Variants in INPP4B observed in about 807,000 individuals in gnomAD.
INPP4B encodes the protein inositol polyphosphate 4-phosphatase type II.
In INPP4B, 55 loss-of-function variants were observed where a neutral mutation model predicts 122.5. That is an observed-to-expected ratio of 0.45 (90% confidence interval 0.36 to 0.56). The LOEUF is 0.56. Among genes scored for constraint, INPP4B ranks in the 20% least tolerant of loss-of-function variants. The probability of loss-of-function intolerance (pLI) is 0.00; values close to 1 mark genes in which losing one functional copy is unlikely to be tolerated. For synonymous variants in INPP4B, 403 were observed against 388.7 expected, an observed-to-expected ratio of 1.04 and a Z score of -0.43; for missense variants, 1,000 against 1,097.7, an observed-to-expected ratio of 0.91 and a Z score of 1.26.
At chr4:142,247,514 T>A (rs1729512260) in intron 11 of INPP4B, among the ~76,000 whole-genome samples, 1 of 152,188 alleles carries the variant, frequency 6.6e-6, no homozygotes, top group African/African-American at 2.4e-5. Flanking sequence ...TCTGGTTTAG[T>A]CTTGGGAGGG....
chr4:142,659,215 C>T (rs1007183859), intron 2 of INPP4B, among the ~76,000 whole-genome samples: 21 of 147,570 alleles, frequency 1.4e-4, no homozygotes, highest in East Asian at 8.2e-4. Flanking sequence ...ATGGCTAACA[C>T]GGTGAAACCC....
chr4:142,350,508 A>G (rs2151801968), intron 7 of INPP4B, among the ~76,000 whole-genome samples: 1 of 152,060 alleles, frequency 6.6e-6, no homozygotes, highest in Non-Finnish European at 1.5e-5. Flanking sequence ...CCCTTCCCCT[A>G]GGTTTACCTC....
intron 3 of INPP4B, among the ~76,000 whole-genome samples, chr4:142,440,787 A>G (rs932667225): frequency 1.3e-5 from 2 of 152,230 alleles, no homozygotes; most frequent in African/African-American, 4.8e-5. Flanking sequence ...GTTATAAGAT[A>G]CACATATATG....
chr4:142,577,054 T>C (rs988745276), intron 2 of INPP4B, among the ~76,000 whole-genome samples: 6 of 152,026 alleles, frequency 3.9e-5, no homozygotes, highest in African/African-American at 1.2e-4. Flanking sequence ...TCTATTAAAT[T>C]TCATATAGTC....
intron 2 of INPP4B, among the ~76,000 whole-genome samples, chr4:142,623,838 G>A (rs1415901222): frequency 2.0e-4 from 30 of 151,520 alleles, no homozygotes; most frequent in South Asian, 6.3e-4. Context: ...TTGTCCTTGC[G>A]ATAGTTTACT....
intron 1 of INPP4B, among the ~76,000 whole-genome samples, chr4:142,836,010 G>T (rs1782727194): frequency 6.6e-6 from 1 of 152,088 alleles, no homozygotes; most frequent in Non-Finnish European, 1.5e-5. Context: ...CATGAAAAAA[G>T]AAAATGTTTG....
chr4:142,495,923 T>C (rs1822497979), intron 2 of INPP4B, among the ~76,000 whole-genome samples: 1 of 152,178 alleles, frequency 6.6e-6, no homozygotes, highest in African/African-American at 2.4e-5. Flanking sequence ...TCAGCCCATA[T>C]AGGCAAATGC....
intron 18 of INPP4B, among the ~76,000 whole-genome samples, chr4:142,142,397 G>A (rs983896277): frequency 5.9e-5 from 9 of 152,042 alleles, no homozygotes; most frequent in African/African-American, 2.2e-4. Flanking sequence ...CTGTTAGTTA[G>A]AGTGTCTTTT....
At chr4:142,486,165 A>ATG (rs1431828777) in intron 2 of INPP4B, among the ~76,000 whole-genome samples, 1 of 152,204 alleles carries the variant, frequency 6.6e-6, no homozygotes. Flanking sequence ...TGGAATTTAT[A>ATG]TGAAAAGAAA....
intron 1 of INPP4B, among the ~76,000 whole-genome samples, chr4:142,824,384 T>C (rs1389003327): frequency 6.6e-6 from 1 of 152,124 alleles, no homozygotes; most frequent in East Asian, 1.9e-4. Context: ...CAGGCCAAAA[T>C]AGTCCTCTAG....
intron 11 of INPP4B, among the ~76,000 whole-genome samples, chr4:142,250,630 A>G (rs1212730389): frequency 6.6e-6 from 1 of 152,240 alleles, no homozygotes; most frequent in African/African-American, 2.4e-5. Context: ...TATTTTGAAC[A>G]GAAACATTTT....
At chr4:142,149,812 C>CA (rs1381915064) in intron 17 of INPP4B, among the ~76,000 whole-genome samples, 2 of 152,140 alleles carry the variant, frequency 1.3e-5, no homozygotes, top group Non-Finnish European at 1.5e-5. Flanking sequence ...GCACAAAGGA[C>CA]ATAAGTGACC....
intron 2 of INPP4B, among the ~76,000 whole-genome samples, chr4:142,646,662 T>C (rs143110444): frequency 2.0e-5 from 3 of 152,012 alleles, no homozygotes; most frequent in African/African-American, 7.3e-5. Context: ...AACCAAAAAA[T>C]GCAGAACATG....
intron 3 of INPP4B, among the ~76,000 whole-genome samples, chr4:142,433,631 G>A (rs1471131187): frequency 1.3e-5 from 2 of 152,282 alleles, no homozygotes; most frequent in African/African-American, 2.4e-5. Flanking sequence ...AGGAAGACAA[G>A]ACTAACAACA....
intron 15 of INPP4B, among the ~76,000 whole-genome samples, chr4:142,188,518 A>AAATATAT (rs1834267141): frequency 9.5e-6 from 1 of 105,126 alleles, no homozygotes; most frequent in Non-Finnish European, 1.9e-5. Context: ...AAAGAAAAAA[A>AAATATAT]ATATATATAG....
rs1006885838 is a variant in INPP4B, at chr4:142,023,617, G to A, written c.*5165C>T. The stretch of plus-strand genomic sequence containing the variant: ...CAATATTGCCAAAATTTGAGTCAAT[G>A]TTACCTGTGAGTGCAATAGGTCATC... On this transcript the variant is annotated 3_prime_UTR_variant, in exon 26 of 26. Transcript: ENST00000262992. The A allele has an allele frequency of 6.6e-6, 1 of 152,136 alleles. No individual in the cohort carries two copies. Among genetic ancestry groups the A allele is most frequent in the Non-Finnish European group, 1.5e-5 (1 of 68,014 alleles). 9.4% of individuals were successfully genotyped at this position (152,136 alleles called of 1,614,324 possible). A position where few individuals can be genotyped will look rare whatever the true frequency, so the allele number is the denominator to read the frequency against.
chr4:142,067,647 G>A (rs1764334790), intron 25 of INPP4B, among the ~76,000 whole-genome samples: 1 of 152,082 alleles, frequency 6.6e-6, no homozygotes, highest in Non-Finnish European at 1.5e-5. Flanking sequence ...TGACCTAATG[G>A]AGCTGAAAAC....
chr4:142,519,693 T>G (rs1318714598), intron 2 of INPP4B, among the ~76,000 whole-genome samples: 2 of 152,146 alleles, frequency 1.3e-5, no homozygotes, highest in Admixed American at 1.3e-4. Flanking sequence ...GTACTAACAT[T>G]ACCAGAAGCA....
At chr4:142,732,248 A>G (rs1766207197) in intron 1 of INPP4B, among the ~76,000 whole-genome samples, 1 of 152,178 alleles carries the variant, frequency 6.6e-6, no homozygotes, top group Non-Finnish European at 1.5e-5. Flanking sequence ...CAGTTTATCT[A>G]GCATCTACTC....
Sources: allele counts gnomAD v4.1 joint callset (sites outside exome capture counted in the v4.1 genomes callset), GRCh38; gene constraint gnomAD v4.1.1; transcripts MANE v1.5; gene names NCBI Gene and HGNC (gene_info 2026-07-23, HGNC 2026-07-21).